Variants in KBTBD2 observed in about 807,000 individuals in gnomAD.
The protein encoded by KBTBD2 is kelch repeat and BTB domain containing 2, also known as kelch repeat and BTB domain-containing protein 2.
Under a neutral mutation model 57.1 loss-of-function variants are expected in KBTBD2, and 17 were observed. The observed-to-expected ratio is 0.30, with a 90% CI of 0.20 to 0.45. The LOEUF (loss-of-function observed/expected upper bound fraction) is 0.45, where lower values mean the gene tolerates loss of function less well. Among genes scored for constraint, KBTBD2 ranks in the 20% least tolerant of loss-of-function variants. The pLI, the probability that KBTBD2 is intolerant of heterozygous loss-of-function variation, is 1.00. For missense variants in KBTBD2, 515 were observed against 750.6 expected (o/e 0.69, Z 3.67); for synonymous variants, 267 against 262.7 (o/e 1.02, Z -0.16).
chr7:32,881,311 C>T (rs75096504), intron 1 of KBTBD2, among the ~76,000 whole-genome samples: 1 of 151,082 alleles, frequency 6.6e-6, no homozygotes, highest in Non-Finnish European at 1.5e-5. Context: ...TCAGTATTCA[C>T]AACACATGGC....
rs1784130812 is a variant in KBTBD2, at chr7:32,869,902, T to C, written c.1315A>G (p.Met439Val). The C allele has an allele frequency of 6.2e-7, 1 of 1,613,892 alleles. No homozygotes were observed. The highest frequency in any genetic ancestry group is 8.5e-7 in the Non-Finnish European group (1 of 1,180,018). The change falls in exon 4 of 4, where the codon ATG becomes GTG. Residue 439 changes from methionine to valine, a missense_variant. Physicochemically the swap from Met to Val is conservative, Grantham distance 21 (BLOSUM62 1). Coordinates refer to ENST00000304056, the MANE Select transcript of KBTBD2 (RefSeq NM_015483.3). ...TCAGACCTTGGAAAATAACAGTACA[T>C]GAGGTTCAGTGTCATCACATAAATG... ...DCIYVMTLNL[M>V]YCYFPRSDSW...
chr7:32,889,846 TATC>T (rs2127958957), intron 1 of KBTBD2, among the ~76,000 whole-genome samples: 1 of 152,290 alleles, frequency 6.6e-6, no homozygotes, highest in South Asian at 2.1e-4. Flanking sequence ...AAACCAATGT[TATC>T]ATTTGGCTTT....
chr7:32,876,222 C>T lies in KBTBD2; in HGVS notation c.171-1065G>A, dbSNP rs188013182. On this transcript the variant is annotated intron_variant, in intron 2 of 3. Coordinates refer to ENST00000304056, the MANE Select transcript of KBTBD2 (RefSeq NM_015483.3). ...AGGAGAGAAAAGCTTCTGCATGTAG[C>T]GGTCAACAGTGAGTGTCACAACAGT... 9.9e-5 allele frequency among the ~76,000 whole-genome samples: 15 copies of T among 152,264 alleles called. No homozygotes were observed. In the East Asian group the frequency reaches 1.5e-3, roughly 16 times the overall value.
chr7:32,875,147 T>C lies in KBTBD2; in HGVS notation c.181A>G (p.Met61Val). 3 of 1,614,090 alleles carry C rather than the reference T, an allele frequency of 1.9e-6. No homozygotes were observed. Among genetic ancestry groups the C allele is most frequent in the Non-Finnish European group, 2.5e-6 (3 of 1,179,958 alleles). Residue 61 changes from methionine (M) to valine (V), a missense_variant, in exon 3 of 4, where the codon ATG becomes GTG. Physicochemically the swap from Met to Val is conservative, Grantham distance 21. Coordinates refer to ENST00000304056, the MANE Select transcript of KBTBD2 (RefSeq NM_015483.3). Reference sequence around the variant, plus strand: ...TGTTTGCTTTCACTTAGTCCACTCATAAACATGGCCCTACAGGGGAGATGA... The same window carrying C: ...TGTTTGCTTTCACTTAGTCCACTCACAAACATGGCCCTACAGGGGAGATGA... ...TCSSYFRAMF[M>V]SGLSESKQTH...
chr7:32,884,005 C>CA (rs963337076), intron 1 of KBTBD2, among the ~76,000 whole-genome samples: 1 of 152,142 alleles, frequency 6.6e-6, no homozygotes, highest in African/African-American at 2.4e-5. Context: ...CTATCTTAAT[C>CA]TTTTTCTTTC....
intron 1 of KBTBD2, among the ~76,000 whole-genome samples, chr7:32,883,109 G>A (rs555724540): frequency 1.1e-4 from 16 of 152,210 alleles, no homozygotes; most frequent in Non-Finnish European, 1.9e-4. Context: ...GGTAACTCAC[G>A]CCTGTAATCC....
chr7:32,875,096 C>T lies in KBTBD2; in HGVS notation c.232G>A (p.Asp78Asn), dbSNP rs1784279998. 1 of 1,614,150 alleles carries T rather than the reference C, an allele frequency of 6.2e-7. No homozygotes were observed. The highest frequency in any genetic ancestry group is 8.5e-7 in the Non-Finnish European group (1 of 1,180,004). Residue 78 changes from aspartate to asparagine, a missense_variant, in exon 3 of 4, where the codon GAT (aspartate) becomes AAT (asparagine). Asp to Asn is a conservative substitution (Grantham distance 23). Coordinates refer to ENST00000304056, the MANE Select transcript of KBTBD2 (RefSeq NM_015483.3). ...KQTHVHLRNV[D>N]AATLQIIITY... ...ATTATTATCTGTAAGGTGGCAGCAT[C>T]GACATTCCTCAGGTGTACATGGGTT... is the stretch of plus-strand genomic sequence containing the variant.
Position 32,870,888 on chromosome 7 carries a change from G to T in KBTBD2, c.337-8C>A. On this transcript the variant is annotated splice_region_variant and splice_polypyrimidine_tract_variant and intron_variant, in intron 3 of 3. Coordinates refer to ENST00000304056, the MANE Select transcript of KBTBD2 (RefSeq NM_015483.3). ...TTGTAACACATCTTCTACCTAGAAT[G>T]AGAAGGAAAAAAAAAACAGGCTGAT... 2 of 1,490,590 alleles carry T rather than the reference G, an allele frequency of 1.3e-6. No homozygotes were observed. The highest frequency in any genetic ancestry group is 1.3e-5 in the South Asian group (1 of 75,384). The allele number at this position is 1,490,590 out of a possible 1,614,324, so 92.3% of individuals were successfully genotyped here.
chr7:32,869,393 T>C lies in KBTBD2; in HGVS notation c.1824A>G (p.Thr608=), dbSNP rs1784109574. 1 of 1,614,020 alleles carries C rather than the reference T, an allele frequency of 6.2e-7. No homozygotes were observed. Among genetic ancestry groups the C allele is most frequent in the Non-Finnish European group, 8.5e-7 (1 of 1,179,924 alleles). The change falls in exon 4 of 4, where the codon ACA becomes ACG. Residue 608 remains threonine (T), a synonymous_variant. Coordinates refer to ENST00000304056, the MANE Select transcript of KBTBD2 (RefSeq NM_015483.3). ...TTTCTCCATCCAGTTCAAACTCTTC[T>C]GTCCCATCCGTTGAAAAAAGATAAG... The part of the protein sequence containing the change: ...PPTYLFSTDG[T]EEFELDGEMV...
intron 3 of KBTBD2, among the ~76,000 whole-genome samples, chr7:32,871,891 A>T (rs6462428): frequency 0.99 from 149,982 of 152,174 alleles, 73,944 homozygotes; most frequent in East Asian, 1. Context: ...AGCAAGCAGA[A>T]GTAGTATACG....
At chr7:32,891,395 T>C (rs1447238095) in intron 1 of KBTBD2, 141 bp downstream of exon 1, 1 of 141,730 alleles carries the variant, frequency 7.1e-6, no homozygotes, top group Non-Finnish European at 1.5e-5. Context: ...GCGTCTCGGG[T>C]TTGAAAGATG....
chr7:32,878,398 G>T (rs542485222), intron 2 of KBTBD2, among the ~76,000 whole-genome samples: 1 of 152,000 alleles, frequency 6.6e-6, no homozygotes, highest in South Asian at 2.1e-4. Flanking sequence ...GACCAACATG[G>T]TGAAACCCCA....
intron 2 of KBTBD2, among the ~76,000 whole-genome samples, chr7:32,875,682 A>G (rs1014493960): frequency 6.6e-6 from 1 of 152,218 alleles, no homozygotes; most frequent in Non-Finnish European, 1.5e-5. Context: ...TTCACTTCTT[A>G]TATTCATACC....
In KBTBD2 at chr7:32,869,077, G is replaced by T; in HGVS notation, c.*268C>A. ...ACTGTACATACACAGGGCTAACAAT[G>T]TTAGATAATCCAGATTCTTATACTC... On this transcript the variant is annotated 3_prime_UTR_variant, in exon 4 of 4. Transcript: ENST00000304056. 1 of 335,176 alleles carries T rather than the reference G, an allele frequency of 3.0e-6. No homozygotes were observed. Among genetic ancestry groups the T allele is most frequent in the Non-Finnish European group, 5.4e-6 (1 of 183,720 alleles). 20.8% of individuals were successfully genotyped at this position (335,176 alleles called of 1,614,324 possible). A position where few individuals can be genotyped will look rare whatever the true frequency, so the allele number is the denominator to read the frequency against.
chr7:32,886,055 C>T (rs911593470), intron 1 of KBTBD2, among the ~76,000 whole-genome samples: 3 of 151,978 alleles, frequency 2.0e-5, no homozygotes, highest in South Asian at 2.1e-4. Context: ...ATTACAGGCA[C>T]GCACCACCAT....
At chr7:32,887,244 A>C (rs1784602503) in intron 1 of KBTBD2, among the ~76,000 whole-genome samples, 1 of 152,252 alleles carries the variant, frequency 6.6e-6, no homozygotes, top group Non-Finnish European at 1.5e-5. Flanking sequence ...GCTGCTAGCA[A>C]GGCCTGCTAC....
chr7:32,883,051 T>G (rs1012624874), intron 1 of KBTBD2, among the ~76,000 whole-genome samples: 5 of 151,578 alleles, frequency 3.3e-5, no homozygotes, highest in African/African-American at 1.2e-4. Flanking sequence ...TCTGGGAGCA[T>G]GGACTTCAAA....
At chr7:32,888,430 A>G (rs764758142) in intron 1 of KBTBD2, among the ~76,000 whole-genome samples, 5 of 152,192 alleles carry the variant, frequency 3.3e-5, no homozygotes, top group Non-Finnish European at 7.3e-5. Context: ...GTTTGCTTTC[A>G]AGTTATCAAA....
chr7:32,869,290 A>G lies in KBTBD2; in HGVS notation c.*55T>C, dbSNP rs1402060074. The stretch of plus-strand genomic sequence containing the variant: ...AGTTCTTTCATAGCCTCTTTTGTTT[A>G]GCAAAGAAAATGACAAAGCACATAA... On this transcript the variant is annotated 3_prime_UTR_variant, in exon 4 of 4. Transcript: ENST00000304056. 4 of 1,291,822 alleles carry G rather than the reference A, an allele frequency of 3.1e-6. No homozygotes were observed. The highest frequency in any genetic ancestry group is 3.9e-4 in the Middle Eastern group (2 of 5,178). 80.0% of individuals were successfully genotyped at this position (1,291,822 alleles called of 1,614,324 possible).
Sources: allele counts gnomAD v4.1 joint callset (sites outside exome capture counted in the v4.1 genomes callset), GRCh38; gene constraint gnomAD v4.1.1; transcripts MANE v1.5; gene names NCBI Gene and HGNC (gene_info 2026-07-23, HGNC 2026-07-21).